The following STIM2 variants were observed in gnomAD, a reference collection of about 807,000 sequenced individuals.
STIM2 encodes stromal interaction molecule 2.
A neutral mutation model predicts 85.8 loss-of-function variants in STIM2; 31 were observed. That is an observed-to-expected ratio of 0.36 (90% CI 0.27 to 0.49). STIM2 has a LOEUF of 0.49. Ranked by LOEUF, STIM2 falls within the 20% of genes least tolerant of loss-of-function variation. STIM2 has a pLI of 0.98. For missense variants in STIM2, 841 were observed against 927.6 expected (o/e 0.91, Z 1.21); for synonymous variants, 356 against 331.1 (o/e 1.08, Z -0.82).
intron 1 of STIM2, among the ~76,000 whole-genome samples, chr4:26,919,012 G>A (rs996948918): frequency 2.0e-5 from 3 of 152,040 alleles, no homozygotes; most frequent in African/African-American, 7.2e-5. Context: ...AAACAAAAGG[G>A]TCATGTGACT....
At chr4:26,889,453 G>A (rs1723380648) in intron 1 of STIM2, among the ~76,000 whole-genome samples, 1 of 152,154 alleles carries the variant, frequency 6.6e-6, no homozygotes. Context: ...GGTGGATAAG[G>A]CATTCTGTGG....
At chr4:26,980,804 T>C (rs560573578) in intron 3 of STIM2, among the ~76,000 whole-genome samples, 2 of 152,212 alleles carry the variant, frequency 1.3e-5, no homozygotes, top group Non-Finnish European at 2.9e-5. Flanking sequence ...AAAGGTATCA[T>C]AAGTATTTTT....
rs1729029216 is a variant in STIM2, at chr4:27,024,726, T to G, written c.*1730T>G. ...TGATAAGATAACCTGAGAGGTAGGG[T>G]TGAGGAACACAGGGTTGAAAGCTGT... is the stretch of plus-strand genomic sequence containing the variant. On this transcript the variant is annotated 3_prime_UTR_variant, in exon 12 of 12. Transcript: ENST00000467087. 6.6e-6 allele frequency: 1 copy of G among 152,104 alleles called. No homozygotes were observed. Among genetic ancestry groups the G allele is most frequent in the Admixed American group, 6.6e-5 (1 of 15,266 alleles). 9.4% of individuals were successfully genotyped at this position (152,104 alleles called of 1,614,324 possible).
Position 27,022,763 on chromosome 4 carries a change from G to GTTT in STIM2, c.2009_2010insTTT (p.Val670_Tyr671insLeu), listed in dbSNP as rs1488700827. The GTTT allele has an allele frequency of 6.2e-7, 1 of 1,614,212 alleles. No individual in the cohort carries two copies. Among genetic ancestry groups the GTTT allele is most frequent in the South Asian group, 1.1e-5 (1 of 91,088 alleles). ...TATGATCTTCAGTCCTGCAAGCAAAGTGTACAATGGCATTTTGGAGAAATC... is the reference window on the plus strand; with the variant it reads ...TATGATCTTCAGTCCTGCAAGCAAAGTTTTGTACAATGGCATTTTGGAGAAATC... On this transcript the variant is annotated inframe_insertion, in exon 12 of 12. Coordinates refer to ENST00000467087, the MANE Select transcript of STIM2 (RefSeq NM_020860.4).
chr4:26,995,741 A>G (rs1009125751), intron 4 of STIM2, among the ~76,000 whole-genome samples: 11 of 152,106 alleles, frequency 7.2e-5, no homozygotes, highest in Admixed American at 5.2e-4. Flanking sequence ...TGGGTCAACT[A>G]TATCATTTGT....
intron 3 of STIM2, among the ~76,000 whole-genome samples, chr4:26,991,629 A>G (rs112025280): frequency 4.6e-5 from 7 of 152,236 alleles, no homozygotes; most frequent in African/African-American, 1.7e-4. Flanking sequence ...TATCTCAGTT[A>G]CCCTGATTTG....
intron 1 of STIM2, among the ~76,000 whole-genome samples, chr4:26,884,099 T>C (rs1233638060): frequency 6.6e-6 from 1 of 152,214 alleles, no homozygotes; most frequent in Non-Finnish European, 1.5e-5. Flanking sequence ...AGGTGCTCAC[T>C]GTAGAACTCA....
At position 26,861,150 on chromosome 4, in the gene STIM2, C is replaced by T; in HGVS notation, c.-69C>T. 1 of 1,308,428 alleles carries T rather than the reference C, an allele frequency of 7.6e-7. No individual in the cohort carries two copies. The highest frequency in any genetic ancestry group is 9.7e-7 in the Non-Finnish European group (1 of 1,028,338). The allele number at this position is 1,308,428 out of a possible 1,614,324, so 81.1% of individuals were successfully genotyped here. A position where few individuals can be genotyped will look rare whatever the true frequency, so the allele number is the denominator to read the frequency against. ...GCGCTTTCACCCGGCTTCTCCTCGG[C>T]GCCTTCATCCCGCCTCGACTCCTGG... On this transcript the variant is annotated 5_prime_UTR_variant, in exon 1 of 12. Transcript: ENST00000467087.
rs1255420005 is a variant in STIM2, at chr4:26,860,967, G to T, written c.-252G>T. ...TAAATAACCGGAACCAATGAACGCA[G>T]CCGGGATCAGAGCTCCGGAGGCCGC... is the stretch of plus-strand genomic sequence containing the variant. On this transcript the variant is annotated 5_prime_UTR_variant, in exon 1 of 12. Coordinates refer to ENST00000467087, the MANE Select transcript of STIM2 (RefSeq NM_020860.4). The T allele has an allele frequency of 8.0e-7, 1 of 1,256,108 alleles. No homozygotes were observed. Among genetic ancestry groups the T allele is most frequent in the East Asian group, 6.4e-5 (1 of 15,632 alleles). The allele number at this position is 1,256,108 out of a possible 1,614,324, so 77.8% of individuals were successfully genotyped here.
chr4:26,921,348 G>A (rs896810406), intron 2 of STIM2, among the ~76,000 whole-genome samples: 5 of 152,162 alleles, frequency 3.3e-5, no homozygotes, highest in Non-Finnish European at 5.9e-5. Context: ...AATTTCTATC[G>A]TGGTAAGCCA....
Position 26,860,906 on chromosome 4 carries a change from T to A in STIM2, c.-313T>A. The A allele has an allele frequency of 9.1e-7, 1 of 1,093,522 alleles. No individual in the cohort carries two copies. The highest frequency in any genetic ancestry group is 1.1e-6 in the Non-Finnish European group (1 of 887,882). 67.7% of individuals were successfully genotyped at this position (1,093,522 alleles called of 1,614,324 possible). On this transcript the variant is annotated 5_prime_UTR_variant, in exon 1 of 12. Coordinates refer to ENST00000467087, the MANE Select transcript of STIM2 (RefSeq NM_020860.4). Reference sequence around the variant, plus strand: ...TGTCGTGCACCGCCTGAAGACGCCGTACCTTTCTACCCCCCACCTTTTTTT... The same window carrying A: ...TGTCGTGCACCGCCTGAAGACGCCGAACCTTTCTACCCCCCACCTTTTTTT...
intron 2 of STIM2, among the ~76,000 whole-genome samples, chr4:26,930,173 C>T (rs992809339): frequency 5.9e-5 from 9 of 152,050 alleles, no homozygotes; most frequent in South Asian, 2.1e-4. Context: ...CAAGGCTGCA[C>T]GGTCTGTCAA....
rs191292812 is a variant in STIM2 at position 26,971,071 on chromosome 4, C to A, written c.397+13345C>A. On this transcript the variant is annotated intron_variant, in intron 3 of 11. Transcript: ENST00000467087. Reference sequence around the variant, plus strand: ...GAGAAGTGTCTGTTCATATCCTTTGCCCACTTTTTGATGGGGTTGTTTGCT... The same window carrying A: ...GAGAAGTGTCTGTTCATATCCTTTGACCACTTTTTGATGGGGTTGTTTGCT... 2.7e-3 allele frequency among the ~76,000 whole-genome samples: 412 copies of A among 152,224 alleles called. 2 individuals carry two copies. Among genetic ancestry groups the A allele is most frequent in the Non-Finnish European group, 4.6e-3 (312 of 68,018 alleles).
In STIM2 at chr4:27,023,980, A is replaced by AT. The variant is rs1729001595; in HGVS notation, c.*989dup. The AT allele has an allele frequency of 6.6e-6, 1 of 152,618 alleles. No individual in the cohort carries two copies. Among genetic ancestry groups the AT allele is most frequent in the Non-Finnish European group, 1.5e-5 (1 of 68,026 alleles). 9.5% of individuals were successfully genotyped at this position (152,618 alleles called of 1,614,324 possible). A position where few individuals can be genotyped will look rare whatever the true frequency, so the allele number is the denominator to read the frequency against. Reference sequence around the variant, plus strand: ...GACATTATTGTGTGGGATTGTGCTGATTTTTGTTGATAACACAAAAAACAC... The same window carrying AT: ...GACATTATTGTGTGGGATTGTGCTGATTTTTTGTTGATAACACAAAAAACAC... On this transcript the variant is annotated 3_prime_UTR_variant, in exon 12 of 12. Coordinates refer to ENST00000467087, the MANE Select transcript of STIM2 (RefSeq NM_020860.4).
At chr4:26,894,094 G>A (rs1420196951) in intron 1 of STIM2, among the ~76,000 whole-genome samples, 1 of 152,088 alleles carries the variant, frequency 6.6e-6, no homozygotes, top group Non-Finnish European at 1.5e-5. Flanking sequence ...TCACCATCTT[G>A]GCCAGACTGG....
intron 11 of STIM2, chr4:27,019,279 G>A: frequency 4.8e-6 from 2 of 416,406 alleles, no homozygotes; most frequent in Non-Finnish European, 8.8e-6. Flanking sequence ...ATTTGCAAGT[G>A]ATCAGTGCAG....
rs544615730 is a variant in STIM2, at chr4:26,967,493, G to A, written c.397+9767G>A. Among the ~76,000 whole-genome samples the A allele has an allele frequency of 1.8e-4, 28 of 152,280 alleles. 1 individual carries two copies. The South Asian group carries it at 5.2e-3, about 28-fold the overall frequency. ...GGAGTGTTTTCAGGAAGGGATAGAC[G>A]GTAATATAGTAGGGCGCATAGACTT... On this transcript the variant is annotated intron_variant, in intron 3 of 11. Transcript: ENST00000467087.
chr4:26,935,376 A>G (rs959673802), intron 2 of STIM2, among the ~76,000 whole-genome samples: 3 of 152,338 alleles, frequency 2.0e-5, no homozygotes, highest in East Asian at 3.9e-4. Flanking sequence ...TAGGCACTCT[A>G]TACATCTTTT....
At chr4:26,946,316 T>C (rs955503930) in intron 2 of STIM2, among the ~76,000 whole-genome samples, 7 of 152,224 alleles carry the variant, frequency 4.6e-5, no homozygotes, top group Non-Finnish European at 7.4e-5. Context: ...TGTGAAACTA[T>C]ACCAAAATTA....
Sources: gnomAD v4.1 joint callset for allele counts (sites outside exome capture counted in the v4.1 genomes callset) on GRCh38, gnomAD v4.1.1 for gene constraint, MANE v1.5 for transcripts, NCBI Gene and HGNC (gene_info 2026-07-23, HGNC 2026-07-21) for gene names.